The following SCN10A variants were observed in gnomAD, a reference collection of about 807,000 sequenced individuals.
SCN10A encodes sodium channel protein type 10 subunit alpha.
A neutral mutation model predicts 170.7 loss-of-function variants in SCN10A; 162 were observed. That is an observed-to-expected ratio of 0.95 (90% CI 0.84 to 1.08). The LOEUF is 1.08. SCN10A is among the 50% of genes least tolerant of loss of function. SCN10A has a pLI of 0.00. For synonymous variants in SCN10A, 985 were observed against 904.6 expected, an observed-to-expected ratio of 1.09 and a Z score of -1.59; for missense variants, 2,527 against 2,436.9, an observed-to-expected ratio of 1.04 and a Z score of -0.78.
chr3:38,794,040 A>G lies in SCN10A; in HGVS notation c.-30T>C. 1.2e-6 allele frequency: 2 copies of G among 1,607,442 alleles called. No individual in the cohort carries two copies. Among genetic ancestry groups the G allele is most frequent in the Non-Finnish European group, 1.7e-6 (2 of 1,175,136 alleles). On this transcript the variant is annotated splice_region_variant and 5_prime_UTR_variant, in exon 2 of 28. Coordinates refer to ENST00000449082, the MANE Select transcript of SCN10A (RefSeq NM_006514.4). Reference sequence around the variant, plus strand: ...TCATTCTTCTTCAGGAAGTATTTATACTCTTATAAGAGTGGACATAACCAC... The same window carrying G: ...TCATTCTTCTTCAGGAAGTATTTATGCTCTTATAAGAGTGGACATAACCAC...
rs1399093284 is a variant in SCN10A at position 38,698,093 on chromosome 3, G to A, written c.5127C>T (p.Ser1709=). ...TGTACATGTTGACCATGATGAGGAA[G>A]GAGATGATGATGTAGGTGGTGAAGA... is the stretch of plus-strand genomic sequence containing the variant. ...IIFFTTYIII[S]FLIMVNMYIA... is the part of the protein sequence containing the mutation. The change falls in exon 28 of 28, where the codon TCC becomes TCT. Residue 1709 remains serine, a synonymous_variant. Transcript: ENST00000449082. 1.2e-6 allele frequency: 2 copies of A among 1,614,040 alleles called. No individual in the cohort carries two copies. Among genetic ancestry groups the A allele is most frequent in the African/African-American group, 1.3e-5 (1 of 74,926 alleles).
At chr3:38,797,775 A>T (rs1230811798) in intron 1 of SCN10A, among the ~76,000 whole-genome samples, 1 of 152,218 alleles carries the variant, frequency 6.6e-6, no homozygotes, top group Non-Finnish European at 1.5e-5. Flanking sequence ...AATGTTGAGG[A>T]TTGAGAACAG....
At chr3:38,740,120 T>A (rs562816924) in intron 14 of SCN10A, among the ~76,000 whole-genome samples, 30 of 152,320 alleles carry the variant, frequency 2.0e-4, no homozygotes, top group Middle Eastern at 3.4e-3. Context: ...GTACCTCAAT[T>A]TCCTCATCTG....
intron 4 of SCN10A, among the ~76,000 whole-genome samples, chr3:38,780,093 T>G (rs1310369520): frequency 1.3e-5 from 2 of 152,036 alleles, no homozygotes; most frequent in Non-Finnish European, 2.9e-5. Context: ...TGGCTAAAAT[T>G]AATTGAAAAT....
Position 38,793,871 on chromosome 3 carries a change from T to C in SCN10A, c.140A>G (p.Gln47Arg), listed in dbSNP as rs1317981802. 6.2e-7 allele frequency: 1 copy of C among 1,614,106 alleles called. No homozygotes were observed. Among genetic ancestry groups the C allele is most frequent in the Non-Finnish European group, 8.5e-7 (1 of 1,179,986 alleles). Residue 47 changes from glutamine (Q) to arginine (R), a missense_variant, in exon 2 of 28, where the codon CAA (glutamine) becomes CGA (arginine). Transcript: ENST00000449082. ...CAGCTGGGGCCGAGGCTTCTCTTCT[T>C]GGTCCTTCTGCTCCCTATGCTTCTC... Reference protein sequence around the residue: ...AREKHREQKDQEEKPRPQLDL... With the variant: ...AREKHREQKDREEKPRPQLDL...
At chr3:38,720,250 T>C (rs1044909904) in intron 20 of SCN10A, among the ~76,000 whole-genome samples, 4 of 152,232 alleles carry the variant, frequency 2.6e-5, no homozygotes, top group African/African-American at 9.6e-5. Context: ...AACATAGAGA[T>C]TGGTTGAGTA....
chr3:38,777,635 A>G (rs1015173339), intron 4 of SCN10A, among the ~76,000 whole-genome samples: 1 of 152,084 alleles, frequency 6.6e-6, no homozygotes, highest in African/African-American at 2.4e-5. Flanking sequence ...AACAAGAACC[A>G]AAATAATTTT....
At chr3:38,775,550 T>C (rs1386411590) in intron 4 of SCN10A, among the ~76,000 whole-genome samples, 1 of 152,166 alleles carries the variant, frequency 6.6e-6, no homozygotes, top group Admixed American at 6.6e-5. Context: ...CCTTTTAAAG[T>C]CTGTTTCATA....
chr3:38,738,456 G>T (rs62242445), intron 15 of SCN10A, among the ~76,000 whole-genome samples: 2 of 152,060 alleles, frequency 1.3e-5, no homozygotes, highest in African/African-American at 4.8e-5. Flanking sequence ...TGTCTCACTG[G>T]CCCCTGTGAT....
rs2126015263 is a variant in SCN10A at position 38,742,524 on chromosome 3, C to T, written c.1873G>A (p.Glu625Lys). ...GGTGGGCACTTCTGTTCAGACTCCT[C>T]GAGTTCTGCATTATAGTGTGGTCAA... ...SIITSVLEEL[E>K]ESEQKCPPCL... Residue 625 changes from glutamate to lysine, a missense_variant, in exon 14 of 28, where the codon GAG (glutamate) becomes AAG (lysine). Transcript: ENST00000449082. The T allele has an allele frequency of 1.2e-6, 2 of 1,613,714 alleles. No individual in the cohort carries two copies. The highest frequency in any genetic ancestry group is 8.5e-7 in the Non-Finnish European group (1 of 1,179,702).
At chr3:38,758,461 T>C (rs929480610) in intron 8 of SCN10A, among the ~76,000 whole-genome samples, 18 of 152,226 alleles carry the variant, frequency 1.2e-4, no homozygotes, top group Admixed American at 2.0e-4. Flanking sequence ...AAATATTGTA[T>C]ATAAACTGCA....
At chr3:38,810,578 G>T (rs58260152) in intron 1 of SCN10A, among the ~76,000 whole-genome samples, 3,637 of 152,214 alleles carry the variant, frequency 0.024, 114 homozygotes, top group African/African-American at 0.079. Flanking sequence ...ATCTCCCAAA[G>T]AATCTAGTTT....
At chr3:38,809,191 A>G (rs2064424173) in intron 1 of SCN10A, among the ~76,000 whole-genome samples, 1 of 152,234 alleles carries the variant, frequency 6.6e-6, no homozygotes, top group South Asian at 2.1e-4. Flanking sequence ...GTTGGATCAC[A>G]CACCTGGCAG....
intron 4 of SCN10A, among the ~76,000 whole-genome samples, chr3:38,774,413 T>A (rs2064046573): frequency 6.6e-6 from 1 of 152,196 alleles, no homozygotes; most frequent in Non-Finnish European, 1.5e-5. Context: ...TGGAGTTGCA[T>A]CCTCTCTTTG....
chr3:38,786,996 T>C (rs1277678646), intron 4 of SCN10A, among the ~76,000 whole-genome samples: 2 of 152,186 alleles, frequency 1.3e-5, no homozygotes, highest in Non-Finnish European at 1.5e-5. Context: ...GGCTATAATT[T>C]GCTCTTTAAA....
chr3:38,728,546 A>T lies in SCN10A; in HGVS notation c.2636T>A (p.Leu879Gln), dbSNP rs748804697. ...CCAGCAGGGTTCACCACTCACCACC[A>T]GGTTCCCTAGCACCATCACCGTCAA... The part of the protein sequence containing the change: ...LFLTVMVLGN[L>Q]VVLNLFIALL... Residue 879 changes from leucine (L) to glutamine (Q), a missense_variant, in exon 16 of 28, where the codon CTG (leucine) becomes CAG (glutamine). By Grantham distance (113) the Leu-to-Gln change is moderately radical. Coordinates refer to ENST00000449082, the MANE Select transcript of SCN10A (RefSeq NM_006514.4). The T allele has an allele frequency of 1.3e-6, 2 of 1,579,132 alleles. No homozygotes were observed. Among genetic ancestry groups the T allele is most frequent in the Non-Finnish European group, 1.7e-6 (2 of 1,159,038 alleles).
chr3:38,789,123 C>A (rs2064247442), intron 3 of SCN10A, 87 bp from the exon 4 acceptor site: 1 of 797,708 alleles, frequency 1.3e-6, no homozygotes, highest in African/African-American at 1.7e-5. Flanking sequence ...TGATTACATT[C>A]ATAAATCTTA....
chr3:38,708,773 G>A (rs567599038), intron 25 of SCN10A, among the ~76,000 whole-genome samples: 1 of 152,188 alleles, frequency 6.6e-6, no homozygotes, highest in African/African-American at 2.4e-5. Context: ...AATATTGCCA[G>A]CATGAGCCAT....
In SCN10A at chr3:38,709,489, G is replaced by T. The variant is rs1027297455; in HGVS notation, c.4270C>A (p.Gln1424Lys). ...TGAGCACCACTTATCTTTTTTTTCT[G>T]TTGATTGAAGTTGTCAATTATGACC... ...VGVIIDNFNQ[Q>K]KKKLGGQDIF... Residue 1424 changes from glutamine (Q) to lysine (K), a missense_variant, in exon 25 of 28, where the codon CAG becomes AAG. Gln to Lys is a moderately conservative substitution (Grantham distance 53, BLOSUM62 1). Coordinates refer to ENST00000449082, the MANE Select transcript of SCN10A (RefSeq NM_006514.4). 5.6e-6 allele frequency: 9 copies of T among 1,603,082 alleles called. No homozygotes were observed. The highest frequency in any genetic ancestry group is 3.5e-5 in the Admixed American group (2 of 56,978).
Sources: gnomAD v4.1 joint callset for allele counts (sites outside exome capture counted in the v4.1 genomes callset) on GRCh38, gnomAD v4.1.1 for gene constraint, MANE v1.5 for transcripts, NCBI Gene and HGNC (gene_info 2026-07-23, HGNC 2026-07-21) for gene names.